The following FER variants were observed in gnomAD, a reference collection of about 807,000 sequenced individuals.
The protein encoded by FER is FER tyrosine kinase, also known as tyrosine-protein kinase Fer.
FER carries 63 observed loss-of-function variants against 111.0 expected under a neutral mutation model. The ratio of observed to expected loss-of-function variants is 0.57; its 90% CI spans 0.46 to 0.70. The LOEUF (loss-of-function observed/expected upper bound fraction) is 0.70. FER is among the 30% of genes least tolerant of loss of function. The pLI, the probability that FER is intolerant of heterozygous loss-of-function variation, is 0.00. For missense variants in FER, 914 were observed against 954.0 expected (o/e 0.96, Z 0.55); for synonymous variants, 327 against 313.9 (o/e 1.04, Z -0.44).
intron 1 of FER, among the ~76,000 whole-genome samples, chr5:108,767,659 A>C (rs1321535573): frequency 6.6e-6 from 1 of 151,956 alleles, no homozygotes; most frequent in Non-Finnish European, 1.5e-5. Flanking sequence ...TAATTTTTAA[A>C]CTTATAGAGA....
intron 16 of FER, among the ~76,000 whole-genome samples, chr5:109,073,693 C>T (rs574303725): frequency 3.9e-5 from 6 of 152,030 alleles, no homozygotes; most frequent in South Asian, 2.1e-4. Context: ...ATCAATCCTC[C>T]TCCCCTTCCA....
At chr5:109,118,294 A>G (rs1750524206) in intron 17 of FER, among the ~76,000 whole-genome samples, 1 of 152,108 alleles carries the variant, frequency 6.6e-6, no homozygotes, top group African/African-American at 2.4e-5. Context: ...TTCTGTTTAT[A>G]TGCTGGATTA....
intron 12 of FER, 113 bp from the exon 13 acceptor site, chr5:108,959,112 C>A: frequency 9.7e-7 from 1 of 1,034,214 alleles, no homozygotes; most frequent in Non-Finnish European, 1.4e-6. Flanking sequence ...TAAGTATATT[C>A]ACATTGTTGT....
intron 13 of FER, among the ~76,000 whole-genome samples, chr5:108,988,334 A>T (rs572238921): frequency 2.4e-4 from 36 of 152,188 alleles, no homozygotes; most frequent in African/African-American, 7.5e-4. Flanking sequence ...TTTTCTCTTT[A>T]TCTTGGAGAA....
chr5:109,094,194 A>C (rs554633926), intron 16 of FER, among the ~76,000 whole-genome samples: 257 of 151,072 alleles, frequency 1.7e-3, no homozygotes, highest in Non-Finnish European at 3.0e-3. Flanking sequence ...TTTGAGAATT[A>C]AGAAATAACA....
intron 9 of FER, among the ~76,000 whole-genome samples, chr5:108,885,113 T>A (rs919914630): frequency 6.6e-6 from 1 of 151,932 alleles, no homozygotes; most frequent in Non-Finnish European, 1.5e-5. Flanking sequence ...CCCTAAGTGA[T>A]CTGGTGAAGA....
At chr5:109,119,599 G>T (rs1750705104) in intron 17 of FER, among the ~76,000 whole-genome samples, 1 of 152,128 alleles carries the variant, frequency 6.6e-6, no homozygotes, top group African/African-American at 2.4e-5. Flanking sequence ...GTCTGATGTT[G>T]ACAGTGGGGT....
At chr5:108,910,269 C>G (rs1751356522) in intron 10 of FER, among the ~76,000 whole-genome samples, 1 of 152,128 alleles carries the variant, frequency 6.6e-6, no homozygotes, top group Admixed American at 6.6e-5. Context: ...CTATCATCAT[C>G]TACAGTGGCT....
At chr5:109,015,634 A>G (rs141828597) in intron 13 of FER, among the ~76,000 whole-genome samples, 117 of 152,182 alleles carry the variant, frequency 7.7e-4, no homozygotes, top group African/African-American at 2.6e-3. Context: ...CTGTGGAAGC[A>G]CTAGAGCAGG....
intron 8 of FER, among the ~76,000 whole-genome samples, chr5:108,877,839 A>ATTAT (rs1452224685): frequency 6.6e-6 from 1 of 152,160 alleles, no homozygotes; most frequent in Non-Finnish European, 1.5e-5. Context: ...ACATCCAATG[A>ATTAT]TTATGATATG....
intron 13 of FER, among the ~76,000 whole-genome samples, chr5:108,983,928 CTCTT>C (rs140690173): frequency 0.068 from 10,295 of 152,124 alleles, 826 homozygotes; most frequent in African/African-American, 0.19. Context: ...CATCCTCTCT[CTCTT>C]TCTCTCTGCT....
chr5:108,851,347 T>G (rs1762524405), intron 5 of FER, among the ~76,000 whole-genome samples: 1 of 152,154 alleles, frequency 6.6e-6, no homozygotes, highest in Non-Finnish European at 1.5e-5. Context: ...TGAGACTTAT[T>G]CACGTGAGAT....
chr5:109,099,275 G>A (rs1561892964), intron 16 of FER, among the ~76,000 whole-genome samples: 1 of 151,544 alleles, frequency 6.6e-6, no homozygotes, highest in East Asian at 1.9e-4. Context: ...GCATTAGTCA[G>A]TATGGTAGTC....
chr5:108,983,836 T>C (rs918764854), intron 13 of FER, among the ~76,000 whole-genome samples: 1 of 152,180 alleles, frequency 6.6e-6, no homozygotes, highest in Non-Finnish European at 1.5e-5. Flanking sequence ...CATAGAATTA[T>C]GAGACATCTC....
intron 17 of FER, among the ~76,000 whole-genome samples, chr5:109,165,497 C>T (rs1756434392): frequency 6.6e-6 from 1 of 151,802 alleles, no homozygotes; most frequent in South Asian, 2.1e-4. Flanking sequence ...GGAAAGGAGA[C>T]AACATGATTT....
At chr5:109,083,670 A>G (rs1167324508) in intron 16 of FER, among the ~76,000 whole-genome samples, 1 of 152,054 alleles carries the variant, frequency 6.6e-6, no homozygotes, top group African/African-American at 2.4e-5. Flanking sequence ...GTATATTAAG[A>G]ATGCAAGACC....
chr5:109,149,621 A>C (rs1438363352), intron 17 of FER, among the ~76,000 whole-genome samples: 1 of 152,184 alleles, frequency 6.6e-6, no homozygotes, highest in East Asian at 1.9e-4. Flanking sequence ...TCACAATGGC[A>C]AGTGTTGGAA....
At chr5:108,854,215 A>G (rs1762787118) in intron 5 of FER, among the ~76,000 whole-genome samples, 1 of 152,212 alleles carries the variant, frequency 6.6e-6, no homozygotes, top group African/African-American at 2.4e-5. Flanking sequence ...AAGACACCTA[A>G]TTTAACATTG....
At chr5:109,026,931 G>A (rs927927513) in intron 13 of FER, among the ~76,000 whole-genome samples, 4 of 151,874 alleles carry the variant, frequency 2.6e-5, no homozygotes, top group Non-Finnish European at 4.4e-5. Context: ...TGCCCACCTC[G>A]GCCTCCCAAA....
Sources: gnomAD v4.1 joint callset for allele counts (sites outside exome capture counted in the v4.1 genomes callset) on GRCh38, gnomAD v4.1.1 for gene constraint, MANE v1.5 for transcripts, NCBI Gene and HGNC (gene_info 2026-07-23, HGNC 2026-07-21) for gene names.